The following GZF1 variants were observed in gnomAD, a reference collection of about 807,000 sequenced individuals.
The protein encoded by GZF1 is GDNF-inducible zinc finger protein 1.
GZF1 carries 28 observed loss-of-function variants against 49.4 expected under a neutral mutation model. That is an observed-to-expected ratio of 0.57 (90% CI 0.42 to 0.78). The LOEUF is 0.78. Ranked by LOEUF, GZF1 falls within the 30% of genes least tolerant of loss-of-function variation. The pLI, the probability that GZF1 is intolerant of heterozygous loss-of-function variation, is 0.00. For synonymous variants in GZF1, 364 were observed against 356.0 expected (o/e 1.02, Z -0.25); for missense variants, 798 against 916.2 (o/e 0.87, Z 1.67).
rs1568591604 is a variant in GZF1, at chr20:23,370,382, C to CT, written c.2078dup (p.Thr694AspfsTer34). ...CACCACCATCAGTGAGCTTAGCGAGCTGACCCCACAGACAGACTCGATGCC... is the reference window on the plus strand; with the variant it reads ...CACCACCATCAGTGAGCTTAGCGAGCTTGACCCCACAGACAGACTCGATGCC... On this transcript the variant is annotated frameshift_variant, in exon 6 of 6. Coordinates refer to ENST00000338121, the MANE Select transcript of GZF1 (RefSeq NM_022482.5). LOFTEE classifies it high-confidence loss of function. The CT allele has an allele frequency of 6.2e-7, 1 of 1,614,006 alleles. No individual in the cohort carries two copies. Among genetic ancestry groups the CT allele is most frequent in the South Asian group, 1.1e-5 (1 of 91,072 alleles).
rs1259101965 is a variant in GZF1, at chr20:23,364,304, A to C, written c.-21-59A>C. 7.2e-6 allele frequency: 7 copies of C among 977,226 alleles called. No homozygotes were observed. The African/African-American group carries it at 9.8e-5, about 14-fold the overall frequency. The allele number at this position is 977,226 out of a possible 1,614,324, so 60.5% of individuals were successfully genotyped here. Reference sequence around the variant, plus strand: ...CTCAAGTACTGAAGGAATCCTCATAAATTTTAGTCCTTTTGCATCAGTGGT... The same window carrying C: ...CTCAAGTACTGAAGGAATCCTCATACATTTTAGTCCTTTTGCATCAGTGGT... On this transcript the variant is annotated intron_variant, in intron 1 of 5. Transcript: ENST00000338121.
intron 2 of GZF1, 90 bp downstream of exon 2, chr20:23,365,837 T>C: frequency 7.0e-7 from 1 of 1,424,694 alleles, no homozygotes; most frequent in Non-Finnish European, 9.2e-7. Flanking sequence ...TCTCACTGCT[T>C]AATTTCTCCG....
chr20:23,364,900 C>T lies in GZF1; in HGVS notation c.517C>T (p.His173Tyr), dbSNP rs1437975731. 1.9e-6 allele frequency: 3 copies of T among 1,614,086 alleles called. No homozygotes were observed. The highest frequency in any genetic ancestry group is 3.3e-4 in the Middle Eastern group (2 of 6,084). The change falls in exon 2 of 6, where the codon CAC becomes TAC. Residue 173 changes from histidine (H) to tyrosine (Y), a missense_variant. His to Tyr is a moderately conservative substitution (Grantham distance 83). Around this residue, in one of 3 missense-constraint regions of GZF1, gnomAD observed 247 missense variants for 228.5 expected, o/e 1.08. Transcript: ENST00000338121. ...PRASVATDGP[H>Y]PSGLTDSLDY... ...GGCAAGTGTGGCCACCGATGGCCCT[C>T]ACCCCAGTGGTCTCACGGATTCCTT...
intron 2 of GZF1, among the ~76,000 whole-genome samples, chr20:23,365,953 C>T (rs1280379797): frequency 6.6e-6 from 1 of 152,256 alleles, no homozygotes. Context: ...CTGGGGCGCC[C>T]CTGCTGGCCG....
In GZF1 at chr20:23,369,988, T is replaced by C. The variant is rs542284368; in HGVS notation, c.1786-103T>C. On this transcript the variant is annotated intron_variant, in intron 5 of 5. Transcript: ENST00000338121. ...GAGGGTGGTGGCAGGCGGGTACTTA[T>C]TAGTGAAAGTTGAAAATTGAAGTTG... 7 of 1,043,170 alleles carry C rather than the reference T, an allele frequency of 6.7e-6. No individual in the cohort carries two copies. The Admixed American group carries it at 1.5e-4, about 22-fold the overall frequency. 64.6% of individuals were successfully genotyped at this position (1,043,170 alleles called of 1,614,324 possible). A position where few individuals can be genotyped will look rare whatever the true frequency, so the allele number is the denominator to read the frequency against.
Position 23,365,620 on chromosome 20 carries a change from G to A in GZF1, c.1237G>A (p.Gly413Ser), listed in dbSNP as rs1414227380. ...CGAGCGGCACCGCTGCGGCCAGTGC[G>A]GCAAGGGCCTGAGTTCCAAGACAGC... ...GGERHRCGQC[G>S]KGLSSKTALR... is the part of the protein sequence containing the mutation. Residue 413 changes from glycine to serine, a missense_variant, in exon 2 of 6, where the codon GGC (glycine) becomes AGC (serine). By Grantham distance (56) the Gly-to-Ser change is moderately conservative. Coordinates refer to ENST00000338121, the MANE Select transcript of GZF1 (RefSeq NM_022482.5). The A allele has an allele frequency of 6.2e-7, 1 of 1,605,650 alleles. No individual in the cohort carries two copies. The highest frequency in any genetic ancestry group is 2.2e-5 in the East Asian group (1 of 44,866).
In GZF1 at chr20:23,370,162, A is replaced by C; in HGVS notation, c.1857A>C (p.Gly619=). 6.2e-7 allele frequency: 1 copy of C among 1,614,268 alleles called. No individual in the cohort carries two copies. The highest frequency in any genetic ancestry group is 8.5e-7 in the Non-Finnish European group (1 of 1,180,052). The change falls in exon 6 of 6, where the codon GGA becomes GGC. Residue 619 remains glycine, a synonymous_variant. Transcript: ENST00000338121. Reference sequence around the variant, plus strand: ...ATGGCTCGCCCAAGAACGATGACGGACACAAGACTGAACAGCCTGACGAAG... The same window carrying C: ...ATGGCTCGCCCAAGAACGATGACGGCCACAAGACTGAACAGCCTGACGAAG... ...IVDGSPKNDD[G]HKTEQPDEEY... is the part of the protein sequence containing the mutation.
chr20:23,366,552 C>T (rs1981420536), intron 2 of GZF1, among the ~76,000 whole-genome samples: 1 of 152,168 alleles, frequency 6.6e-6, no homozygotes, highest in Non-Finnish European at 1.5e-5. Flanking sequence ...GAACAGTTCT[C>T]CTTTCTCTAC....
At chr20:23,367,171 T>C (rs576237670) in intron 3 of GZF1, 74 bp downstream of exon 3, 5 of 1,106,222 alleles carry the variant, frequency 4.5e-6, no homozygotes, top group Admixed American at 1.7e-5. Context: ...AATTTTGAAG[T>C]TGGCATCTAC....
intron 4 of GZF1, 48 bp downstream of exon 4, chr20:23,368,977 A>G (rs1981738177): frequency 6.6e-7 from 1 of 1,505,816 alleles, no homozygotes; most frequent in South Asian, 1.3e-5. Flanking sequence ...GGCCAAAAAA[A>G]AAATTCTAAA....
rs1387949555 is a variant in GZF1 at position 23,365,478 on chromosome 20, C to T, written c.1095C>T (p.Ser365=). 1 of 1,613,824 alleles carries T rather than the reference C, an allele frequency of 6.2e-7. No individual in the cohort carries two copies. Among genetic ancestry groups the T allele is most frequent in the Admixed American group, 1.7e-5 (1 of 60,028 alleles). ...TCGCCAACCGCTGCAACCTGAAGAG[C>T]CACCAGCGCCACGTGCACAGCAGCG... ...QTFANRCNLK[S]HQRHVHSSER... The change falls in exon 2 of 6, where the codon AGC becomes AGT. Residue 365 remains serine, a synonymous_variant. Transcript: ENST00000338121.
intron 2 of GZF1, among the ~76,000 whole-genome samples, chr20:23,366,243 TTAATA>T (rs1452672508): frequency 6.6e-6 from 1 of 152,212 alleles, no homozygotes; most frequent in African/African-American, 2.4e-5. Context: ...TTTCTGTTTC[TTAATA>T]TGTTTCTGAG....
rs374008128 is a variant in GZF1 at position 23,364,382 on chromosome 20, A to G, written c.-2A>G. 44 of 1,551,442 alleles carry G rather than the reference A, an allele frequency of 2.8e-5. No individual in the cohort carries two copies. The highest frequency in any genetic ancestry group is 3.7e-5 in the Non-Finnish European group (43 of 1,147,448). On this transcript the variant is annotated 5_prime_UTR_variant, in exon 2 of 6. Transcript: ENST00000338121. ...TCAAAGCTGTTTTTGGAAGGAAGAA[A>G]GATGGAAAGCGGTGCAGTTCTGCTG...
intron 5 of GZF1, 81 bp downstream of exon 5, chr20:23,369,822 CA>C: frequency 6.9e-7 from 1 of 1,443,030 alleles, no homozygotes; most frequent in East Asian, 2.3e-5. Flanking sequence ...CACCATTCTC[CA>C]AGGTGGTTAG....
Position 23,365,503 on chromosome 20 carries a change from G to A in GZF1, c.1120G>A (p.Glu374Lys). Reference protein sequence around the residue: ...KSHQRHVHSSERHFPCELCGK... With the variant: ...KSHQRHVHSSKRHFPCELCGK... The stretch of plus-strand genomic sequence containing the variant: ...CCACCAGCGCCACGTGCACAGCAGC[G>A]AGCGCCATTTCCCATGCGAGCTGTG... Residue 374 changes from glutamate (E) to lysine (K), a missense_variant, in exon 2 of 6, where the codon GAG becomes AAG. This residue lies in a region of GZF1 where 446 missense variants were observed against 540.1 expected (regional missense o/e 0.83). Transcript: ENST00000338121. 6.2e-7 allele frequency: 1 copy of A among 1,613,802 alleles called. No homozygotes were observed. Among genetic ancestry groups the A allele is most frequent in the Non-Finnish European group, 8.5e-7 (1 of 1,179,960 alleles).
At chr20:23,364,321 A>G (rs1053191264) in intron 1 of GZF1, 42 bp from the exon 2 acceptor site, 129 of 1,198,766 alleles carry the variant, frequency 1.1e-4, no homozygotes, top group Non-Finnish European at 1.4e-4. Context: ...GTCCTTTTGC[A>G]TCAGTGGTTG....
intron 2 of GZF1, among the ~76,000 whole-genome samples, 196 bp downstream of exon 2, chr20:23,365,943 C>T (rs1370864605): frequency 6.6e-6 from 1 of 152,260 alleles, no homozygotes; most frequent in Non-Finnish European, 1.5e-5. Context: ...TCTGAGACCC[C>T]TGGGGCGCCC....
intron 3 of GZF1, among the ~76,000 whole-genome samples, chr20:23,367,676 AGTT>A (rs1175897318): frequency 6.6e-6 from 1 of 152,214 alleles, no homozygotes; most frequent in Non-Finnish European, 1.5e-5. Flanking sequence ...GAAGAAAATA[AGTT>A]GTTATATGAT....
intron 3 of GZF1, 30 bp from the exon 4 acceptor site, chr20:23,368,732 T>C (rs746240513): frequency 1.3e-6 from 2 of 1,581,576 alleles, no homozygotes; most frequent in South Asian, 2.3e-5. Context: ...GCCTGTATTG[T>C]TTATGACTTT....
Sources: allele counts gnomAD v4.1 joint callset (sites outside exome capture counted in the v4.1 genomes callset), GRCh38; gene constraint gnomAD v4.1.1; regional missense constraint gnomAD v4.1.1; transcripts MANE v1.5; gene names NCBI Gene and HGNC (gene_info 2026-07-23, HGNC 2026-07-21).